Variants in KCNN1 observed in about 807,000 individuals in gnomAD.
KCNN1 encodes potassium calcium-activated channel subfamily N member 1, also known as small conductance calcium-activated potassium channel protein 1.
Under a neutral mutation model 44.7 loss-of-function variants are expected in KCNN1, and 20 were observed. That is an observed-to-expected ratio of 0.45 (90% CI 0.32 to 0.65). KCNN1 has a LOEUF of 0.65. Among genes scored for constraint, KCNN1 ranks in the 30% least tolerant of loss-of-function variants. The pLI, the probability that KCNN1 is intolerant of heterozygous loss-of-function variation, is 0.05. For missense variants in KCNN1, 632 were observed against 785.3 expected (o/e 0.80, Z 2.33); for synonymous variants, 324 against 341.7 (o/e 0.95, Z 0.57).
Position 17,989,774 on chromosome 19 carries a change from G to A in KCNN1, c.1229G>A (p.Arg410Lys). 5 of 1,613,874 alleles carry A rather than the reference G, an allele frequency of 3.1e-6. No homozygotes were observed. Among genetic ancestry groups the A allele is most frequent in the Non-Finnish European group, 4.2e-6 (5 of 1,179,856 alleles). The change falls in exon 7 of 10, where the codon AGG becomes AAG. Residue 410 changes from arginine (R) to lysine (K), a missense_variant. Arg to Lys is a conservative substitution (Grantham distance 26, BLOSUM62 2). Coordinates refer to ENST00000684775, the MANE Select transcript of KCNN1 (RefSeq NM_001386974.1). ...RETWLIYKHTRLVKKPDQARV... is the reference protein window; with the variant it reads ...RETWLIYKHTKLVKKPDQARV... ...ACGTGGCTCATCTACAAACATACCA[G>A]GCTGGTGAAGAAGCCAGACCAAGCC... is the stretch of plus-strand genomic sequence containing the variant.
At chr19:17,976,308 A>G (rs920655789) in intron 3 of KCNN1, among the ~76,000 whole-genome samples, 9 of 152,110 alleles carry the variant, frequency 5.9e-5, no homozygotes, top group Admixed American at 2.0e-4. Context: ...ACTCCGTCTC[A>G]AAAAAACAAA....
At chr19:17,956,581 A>G (rs1408135932) in intron 2 of KCNN1, among the ~76,000 whole-genome samples, 1 of 146,846 alleles carries the variant, frequency 6.8e-6, no homozygotes, top group Non-Finnish European at 1.5e-5. Context: ...CATCTCTACA[A>G]TTTTTTTTTT....
chr19:17,957,764 G>C (rs1599994040), intron 2 of KCNN1, among the ~76,000 whole-genome samples: 1 of 152,140 alleles, frequency 6.6e-6, no homozygotes, highest in Admixed American at 6.6e-5. Flanking sequence ...AACCATGGCA[G>C]GTGTGTGAGC....
At chr19:17,957,771 G>A (rs2031581019) in intron 2 of KCNN1, among the ~76,000 whole-genome samples, 1 of 152,138 alleles carries the variant, frequency 6.6e-6, no homozygotes, top group Non-Finnish European at 1.5e-5. Flanking sequence ...GCAGGTGTGT[G>A]AGCAGGGGAG....
At chr19:17,995,174 CTTT>C (rs201597845) in intron 9 of KCNN1, among the ~76,000 whole-genome samples, 2 of 142,402 alleles carry the variant, frequency 1.4e-5, no homozygotes, top group African/African-American at 2.6e-5. Context: ...AGGGAATCTT[CTTT>C]TTTTTTTTTT....
At chr19:17,997,560 C>T (rs1458737877) in intron 9 of KCNN1, among the ~76,000 whole-genome samples, 1 of 151,782 alleles carries the variant, frequency 6.6e-6, no homozygotes, top group Non-Finnish European at 1.5e-5. Context: ...CGCACTGAAA[C>T]CTCCACCTCC....
chr19:17,968,071 A>G (rs1023019381), intron 1 of KCNN1, among the ~76,000 whole-genome samples: 2 of 4,004 alleles, frequency 5.0e-4, no homozygotes, highest in Admixed American at 3.2e-3. Context: ...TTATTGGGGG[A>G]GGGGAGGGGA....
Position 17,974,594 on chromosome 19 carries a change from G to A in KCNN1, c.402+304G>A, listed in dbSNP as rs771212049. Among the ~76,000 whole-genome samples the A allele has an allele frequency of 6.6e-6, 1 of 152,208 alleles. No homozygotes were observed. Among genetic ancestry groups the A allele is most frequent in the Non-Finnish European group, 1.5e-5 (1 of 68,032 alleles). On this transcript the variant is annotated intron_variant, in intron 2 of 9. Coordinates refer to ENST00000684775, the MANE Select transcript of KCNN1 (RefSeq NM_001386974.1). The surrounding 1 kb of genome is among the most constrained non-coding windows in gnomAD (Gnocchi z 7.3). ...CCCCAGAGTGGGCCTGCTCTGGGGA[G>A]CAACAGAAGATCTTCCTCCCCTTCC...
intron 5 of KCNN1, 134 bp from the exon 6 acceptor site, chr19:17,988,281 A>AT: frequency 1.5e-6 from 1 of 667,712 alleles, no homozygotes; most frequent in Non-Finnish European, 2.6e-6. Flanking sequence ...ACCTGAAGTC[A>AT]GTGAGCTCAG....
At chr19:17,982,435 G>A (rs1468078645) in intron 4 of KCNN1, 11 of 509,628 alleles carry the variant, frequency 2.2e-5, no homozygotes, top group East Asian at 1.5e-4. Flanking sequence ...CTCCCTGGGA[G>A]GCTGACTCCC....
At position 17,999,905 on chromosome 19, in the gene KCNN1, G is replaced by A. The variant is rs1568463528; in HGVS notation, c.*1499G>A. On this transcript the variant is annotated 3_prime_UTR_variant, in exon 10 of 10. Transcript: ENST00000684775. ...TATGAGGAGGTGCTGGTCAGACCCG[G>A]GTTCGAGTCCTGACTCTGCCACTGC... 1 of 453,814 alleles carries A rather than the reference G, an allele frequency of 2.2e-6. No individual in the cohort carries two copies. The highest frequency in any genetic ancestry group is 7.0e-5 in the East Asian group (1 of 14,382). The allele number at this position is 453,814 out of a possible 1,614,324, so 28.1% of individuals were successfully genotyped here.
chr19:17,970,478 C>T (rs750570212), intron 1 of KCNN1, among the ~76,000 whole-genome samples: 6 of 150,612 alleles, frequency 4.0e-5, no homozygotes, highest in Non-Finnish European at 7.4e-5. Flanking sequence ...CTACCACGCC[C>T]GGCTAATTTT....
Position 17,981,691 on chromosome 19 carries a change from C to G in KCNN1, c.499-18C>G. 1 of 1,551,756 alleles carries G rather than the reference C, an allele frequency of 6.4e-7. No homozygotes were observed. On this transcript the variant is annotated intron_variant, in intron 3 of 9. Transcript: ENST00000684775. Reference sequence around the variant, plus strand: ...GCGTGTCTGACACCCATGGCTGGTTCCCTCCCGCCCTCCACAGCTGTTCAT... The same window carrying G: ...GCGTGTCTGACACCCATGGCTGGTTGCCTCCCGCCCTCCACAGCTGTTCAT...
At position 17,998,345 on chromosome 19, in the gene KCNN1, A is replaced by C; in HGVS notation, c.1571A>C (p.Asp524Ala). Residue 524 changes from aspartate (D) to alanine (A), a missense_variant, in exon 10 of 10, where the codon GAC (aspartate) becomes GCC (alanine). This residue lies in a region of KCNN1 where 237 missense variants were observed against 253.0 expected (regional missense o/e 0.94). Coordinates refer to ENST00000684775, the MANE Select transcript of KCNN1 (RefSeq NM_001386974.1). This position sits in a 1 kb window ranked among gnomAD's most constrained non-coding sequence, Gnocchi z 5.4. The part of the protein sequence containing the change: ...LPPRPGPGPQ[D>A]QAARSSPCRW... Reference sequence around the variant, plus strand: ...CCCAGGCCCGGCCCCGGCCCCCAAGACCAGGCAGCCCGGAGCTCCCCCTGC... The same window carrying C: ...CCCAGGCCCGGCCCCGGCCCCCAAGCCCAGGCAGCCCGGAGCTCCCCCTGC... 6.6e-7 allele frequency: 1 copy of C among 1,523,688 alleles called. No individual in the cohort carries two copies. The highest frequency in any genetic ancestry group is 8.8e-7 in the Non-Finnish European group (1 of 1,140,204). The allele number at this position is 1,523,688 out of a possible 1,614,324, so 94.4% of individuals were successfully genotyped here. A position where few individuals can be genotyped will look rare whatever the true frequency, so the allele number is the denominator to read the frequency against.
rs1376106345 is a variant in KCNN1, at chr19:17,981,832, A to G, written c.622A>G (p.Thr208Ala). 1 of 1,613,006 alleles carries G rather than the reference A, an allele frequency of 6.2e-7. No individual in the cohort carries two copies. Among genetic ancestry groups the G allele is most frequent in the Non-Finnish European group, 8.5e-7 (1 of 1,179,506 alleles). ...IHPVPGHYRF[T>A]WTARLAFTYA... ...CCCGGTGCCCGGCCACTACCGCTTC[A>G]CGTGGACGGCGCGGCTGGCCTTCAC... Residue 208 changes from threonine to alanine, a missense_variant, in exon 4 of 10, where the codon ACG becomes GCG. Thr to Ala is a moderately conservative substitution (Grantham distance 58, BLOSUM62 0). Around this residue, in one of 3 missense-constraint regions of KCNN1, gnomAD observed 160 missense variants for 308.3 expected, o/e 0.52. Coordinates refer to ENST00000684775, the MANE Select transcript of KCNN1 (RefSeq NM_001386974.1).
intron 3 of KCNN1, among the ~76,000 whole-genome samples, chr19:17,977,746 C>T (rs2032252822): frequency 6.6e-6 from 1 of 152,082 alleles, no homozygotes; most frequent in African/African-American, 2.4e-5. Context: ...CATATAAGAG[C>T]ACATTCAGAG....
At chr19:17,990,085 C>A (rs1280956889) in intron 7 of KCNN1, 2 of 672,896 alleles carry the variant, frequency 3.0e-6, no homozygotes, top group Non-Finnish European at 5.4e-6. Flanking sequence ...CTGGAATAAC[C>A]AGGATAATTC....
upstream of KCNN1, among the ~76,000 whole-genome samples, chr19:17,965,993 ATGCC>A (rs200975232): frequency 9.5e-3 from 1,380 of 144,628 alleles, 21 homozygotes; most frequent in South Asian, 0.014. Flanking sequence ...TCCCTCATTC[ATGCC>A]TGCCTGCCTG....
At chr19:17,954,238 C>T (rs897624237) in intron 1 of KCNN1, among the ~76,000 whole-genome samples, 4 of 152,146 alleles carry the variant, frequency 2.6e-5, no homozygotes, top group African/African-American at 7.2e-5. Flanking sequence ...AGGTGAATCA[C>T]CTCTGGCCAG....
Sources: gnomAD v4.1 joint callset for allele counts (sites outside exome capture counted in the v4.1 genomes callset) on GRCh38, gnomAD v4.1.1 for gene constraint, gnomAD v4.1.1 regional missense constraint, Gnocchi (gnomAD v3.1) non-coding constraint, MANE v1.5 for transcripts, NCBI Gene and HGNC (gene_info 2026-07-23, HGNC 2026-07-21) for gene names.